NRXN1: variants seen among roughly 807,000 people sequenced by gnomAD.
NRXN1 encodes neurexin-1.
A neutral mutation model predicts 150.9 loss-of-function variants in NRXN1; 39 were observed. The observed-to-expected ratio is 0.26, with a 90% CI of 0.20 to 0.34. The LOEUF (loss-of-function observed/expected upper bound fraction) is 0.34. NRXN1 is among the 10% of genes least tolerant of loss of function. The pLI is 1.00. For synonymous variants in NRXN1, 924 were observed against 757.0 expected, an observed-to-expected ratio of 1.22 and a Z score of -3.62; for missense variants, 1,815 against 1,949.9, an observed-to-expected ratio of 0.93 and a Z score of 1.30.
intron 2 of NRXN1, among the ~76,000 whole-genome samples, chr2:50,934,248 G>A (rs1156406839): frequency 2.0e-5 from 3 of 151,870 alleles, no homozygotes; most frequent in Non-Finnish European, 4.4e-5. Flanking sequence ...AAAAGTTAAC[G>A]TGAATAGAAG....
chr2:50,098,559 G>C (rs1700546203), intron 18 of NRXN1, among the ~76,000 whole-genome samples: 1 of 152,086 alleles, frequency 6.6e-6, no homozygotes, highest in African/African-American at 2.4e-5. Context: ...GCCAGGTATT[G>C]AGCTCTATAC....
chr2:50,258,173 C>A (rs2067897898), intron 17 of NRXN1, among the ~76,000 whole-genome samples: 1 of 151,954 alleles, frequency 6.6e-6, no homozygotes, highest in Admixed American at 6.6e-5. Flanking sequence ...CAGTTTGCTG[C>A]ATCAAATGAC....
chr2:50,739,201 A>C (rs1699134112), intron 5 of NRXN1: 1 of 449,686 alleles, frequency 2.2e-6, no homozygotes, highest in African/African-American at 2.0e-5. Flanking sequence ...ATTTTCTGAC[A>C]GTACAGTAGA....
At chr2:50,153,048 T>C (rs1477258249) in intron 18 of NRXN1, among the ~76,000 whole-genome samples, 1 of 151,716 alleles carries the variant, frequency 6.6e-6, no homozygotes, top group Non-Finnish European at 1.5e-5. Flanking sequence ...GACTCAGTAA[T>C]TTCAATAGGT....
intron 18 of NRXN1, among the ~76,000 whole-genome samples, chr2:50,146,242 C>T (rs936346263): frequency 1.3e-5 from 2 of 151,508 alleles, no homozygotes; most frequent in South Asian, 2.1e-4. Flanking sequence ...AGTCTAAATT[C>T]GTTCAACCAT....
chr2:50,626,905 G>C (rs879150053), intron 5 of NRXN1, among the ~76,000 whole-genome samples: 1 of 151,676 alleles, frequency 6.6e-6, no homozygotes, highest in Admixed American at 6.6e-5. Context: ...CAAAAATAAA[G>C]ACAACCAATG....
chr2:50,765,538 G>C (rs1355717837), intron 5 of NRXN1, among the ~76,000 whole-genome samples: 1 of 152,040 alleles, frequency 6.6e-6, no homozygotes, highest in South Asian at 2.1e-4. Flanking sequence ...GGTATGAACC[G>C]TAGGCTAGTG....
At chr2:50,365,981 A>G (rs772103373) in intron 17 of NRXN1, among the ~76,000 whole-genome samples, 3 of 151,956 alleles carry the variant, frequency 2.0e-5, no homozygotes, top group Admixed American at 6.6e-5. Context: ...TAATTTGTCC[A>G]TTACAATAAA....
rs575404907 is a variant in NRXN1, at chr2:50,289,010, A to G, written c.3365-52040T>C. ...AGCTCGTAAGAAAGGTGAGGAATCT[A>G]GGGCAATTCCCGGGTTTCTGCTTTT... is the stretch of plus-strand genomic sequence containing the variant. On this transcript the variant is annotated intron_variant, in intron 17 of 22. Transcript: ENST00000401669. Among the ~76,000 whole-genome samples the G allele has an allele frequency of 1.2e-4, 18 of 152,312 alleles. 1 individual carries two copies. The highest frequency in any genetic ancestry group is 1.1e-3 in the Admixed American group (17 of 15,284).
At chr2:50,553,088 C>A in intron 8 of NRXN1, 63 bp from the exon 9 acceptor site, 18 of 1,175,528 alleles carry the variant, frequency 1.5e-5, no homozygotes, top group Non-Finnish European at 2.2e-5. Flanking sequence ...AACTTGTGAA[C>A]AGCTCATGTA....
chr2:50,201,593 C>A (rs1398073123), intron 18 of NRXN1, among the ~76,000 whole-genome samples: 1 of 152,188 alleles, frequency 6.6e-6, no homozygotes, highest in African/African-American at 2.4e-5. Flanking sequence ...TATTCCATAT[C>A]TCAATGAACT....
intron 12 of NRXN1, among the ~76,000 whole-genome samples, chr2:50,516,610 C>T (rs966659043): frequency 6.6e-6 from 1 of 152,084 alleles, no homozygotes; most frequent in Non-Finnish European, 1.5e-5. Context: ...ACACCAATAA[C>T]CCTCAGAACC....
intron 17 of NRXN1, among the ~76,000 whole-genome samples, chr2:50,262,005 A>G (rs555855973): frequency 6.6e-6 from 1 of 152,014 alleles, no homozygotes; most frequent in South Asian, 2.1e-4. Flanking sequence ...CTGAGTTTAA[A>G]ATGTCACTCC....
intron 17 of NRXN1, among the ~76,000 whole-genome samples, chr2:50,404,154 G>GAT (rs201722000): frequency 1.3e-5 from 2 of 149,118 alleles, no homozygotes; most frequent in East Asian, 4.0e-4. Flanking sequence ...ATTTTGTTTA[G>GAT]TTTTTTTTTG....
Position 50,832,655 on chromosome 2 carries a change from G to A in NRXN1, c.832+89214C>T, listed in dbSNP as rs561328932. ...AGCTTGGGCGACAGAGTGAGATCCCGTCTCAAAAACAAACAAACAAACAAA... is the reference window on the plus strand; with the variant it reads ...AGCTTGGGCGACAGAGTGAGATCCCATCTCAAAAACAAACAAACAAACAAA... On this transcript the variant is annotated intron_variant, in intron 5 of 22. Coordinates refer to ENST00000401669, the MANE Select transcript of NRXN1 (RefSeq NM_001330078.2). Among the ~76,000 whole-genome samples, 389 of 151,356 alleles carry A rather than the reference G, an allele frequency of 2.6e-3. 6 individuals carry two copies. Among genetic ancestry groups the A allele is most frequent in the Admixed American group, 0.023 (349 of 15,210 alleles).
intron 17 of NRXN1, among the ~76,000 whole-genome samples, chr2:50,265,431 A>G (rs2152917530): frequency 6.6e-6 from 1 of 152,246 alleles, no homozygotes; most frequent in Admixed American, 6.5e-5. Context: ...GGCTTATCAT[A>G]AAGAGGGGAG....
At chr2:50,612,382 T>C (rs1559018430) in intron 8 of NRXN1, among the ~76,000 whole-genome samples, 2 of 152,142 alleles carry the variant, frequency 1.3e-5, no homozygotes, top group South Asian at 2.1e-4. Flanking sequence ...ACTTGTTTTT[T>C]TTCTTCTTCT....
At chr2:50,006,365 C>A (rs1684767054) in intron 21 of NRXN1, among the ~76,000 whole-genome samples, 1 of 152,110 alleles carries the variant, frequency 6.6e-6, no homozygotes, top group African/African-American at 2.4e-5. Flanking sequence ...CAAAGCACAG[C>A]TCTAATAATT....
At chr2:50,649,399 G>A (rs550253575) in intron 5 of NRXN1, among the ~76,000 whole-genome samples, 2 of 152,052 alleles carry the variant, frequency 1.3e-5, no homozygotes, top group South Asian at 4.2e-4. Context: ...CCAGATTACA[G>A]TGTGGCTTCC....
Sources: gnomAD v4.1 joint callset for allele counts (sites outside exome capture counted in the v4.1 genomes callset) on GRCh38, gnomAD v4.1.1 for gene constraint, MANE v1.5 for transcripts, NCBI Gene and HGNC (gene_info 2026-07-23, HGNC 2026-07-21) for gene names.